The following CSMD1 variants were observed in gnomAD, a reference collection of about 807,000 sequenced individuals.
CSMD1 encodes CUB and sushi domain-containing protein 1.
A neutral mutation model predicts 417.5 loss-of-function variants in CSMD1; 213 were observed. The observed-to-expected ratio is 0.51, with a 90% CI of 0.46 to 0.57. CSMD1 has a LOEUF of 0.57. Ranked by LOEUF, CSMD1 falls within the 20% of genes least tolerant of loss-of-function variation. The pLI is 0.00. For synonymous variants in CSMD1, 2,862 were observed against 1,736.8 expected, an observed-to-expected ratio of 1.65 and a Z score of -16.11; for missense variants, 6,923 against 4,529.7, an observed-to-expected ratio of 1.53 and a Z score of -15.17.
chr8:3,531,801 G>A lies in CSMD1; in HGVS notation c.1345-38075C>T, dbSNP rs540990706. 4.6e-5 allele frequency among the ~76,000 whole-genome samples: 7 copies of A among 152,318 alleles called. No homozygotes were observed. The East Asian group carries it at 1.2e-3, about 25-fold the overall frequency. ...GCAAACATAGATAAGCAAGCTAGAAGCTTACACAGGGGGATGCCAGCAGTT... is the reference window on the plus strand; with the variant it reads ...GCAAACATAGATAAGCAAGCTAGAAACTTACACAGGGGGATGCCAGCAGTT... On this transcript the variant is annotated intron_variant, in intron 10 of 69. Coordinates refer to ENST00000635120, the MANE Select transcript of CSMD1 (RefSeq NM_033225.6).
intron 7 of CSMD1, among the ~76,000 whole-genome samples, chr8:3,635,512 C>G (rs1369573353): frequency 2.3e-5 from 3 of 133,128 alleles, no homozygotes; most frequent in South Asian, 2.5e-4. Context: ...GAGACAGAAA[C>G]TCGCTCTGTC....
chr8:4,456,375 A>C (rs1181103936), intron 2 of CSMD1, among the ~76,000 whole-genome samples: 1 of 152,238 alleles, frequency 6.6e-6, no homozygotes, highest in African/African-American at 2.4e-5. Context: ...ATCTGTCACT[A>C]ATCAAATAGC....
chr8:3,721,469 G>C (rs982803020), intron 6 of CSMD1, among the ~76,000 whole-genome samples: 13 of 152,124 alleles, frequency 8.5e-5, no homozygotes, highest in African/African-American at 2.9e-4. Context: ...GAGTCCATTA[G>C]TTTAACATCG....
chr8:4,301,555 C>G (rs371522806), intron 3 of CSMD1, among the ~76,000 whole-genome samples: 1 of 152,162 alleles, frequency 6.6e-6, no homozygotes, highest in Admixed American at 6.5e-5. Flanking sequence ...TTGGAATTCA[C>G]CAAGTGGAAA....
intron 3 of CSMD1, among the ~76,000 whole-genome samples, chr8:4,277,999 G>C (rs1035931542): frequency 6.6e-6 from 1 of 152,008 alleles, no homozygotes; most frequent in Non-Finnish European, 1.5e-5. Context: ...TCGCCGCCTT[G>C]CCCTCCCAAA....
At chr8:4,228,512 C>T (rs1412331645) in intron 3 of CSMD1, among the ~76,000 whole-genome samples, 1 of 151,892 alleles carries the variant, frequency 6.6e-6, no homozygotes, top group African/African-American at 2.4e-5. Context: ...GTCTTCCAGT[C>T]AACCCTGTAT....
At chr8:4,527,303 G>T (rs550662325) in intron 2 of CSMD1, among the ~76,000 whole-genome samples, 1 of 152,222 alleles carries the variant, frequency 6.6e-6, no homozygotes, top group South Asian at 2.1e-4. Flanking sequence ...TGTGTAGCTG[G>T]TATATTGTTA....
intron 1 of CSMD1, among the ~76,000 whole-genome samples, chr8:4,651,746 C>T (rs1034671777): frequency 6.6e-5 from 10 of 152,192 alleles, no homozygotes; most frequent in African/African-American, 2.4e-4. Context: ...TTTAAACACA[C>T]ATACCTACTC....
intron 26 of CSMD1, among the ~76,000 whole-genome samples, chr8:3,264,047 G>A (rs915136062): frequency 6.6e-6 from 1 of 152,050 alleles, no homozygotes; most frequent in Non-Finnish European, 1.5e-5. Context: ...TAGTAACAAT[G>A]AAACGAAATT....
chr8:4,631,825 C>T (rs988172388), intron 2 of CSMD1, among the ~76,000 whole-genome samples: 1 of 152,090 alleles, frequency 6.6e-6, no homozygotes, highest in Non-Finnish European at 1.5e-5. Context: ...GTTAGAAAGA[C>T]CGACGAACTC....
chr8:4,989,315 G>C (rs527368545), intron 1 of CSMD1, among the ~76,000 whole-genome samples: 1 of 152,134 alleles, frequency 6.6e-6, no homozygotes, highest in Non-Finnish European at 1.5e-5. Context: ...TGCTGTGGTG[G>C]CTGTGCCACA....
chr8:3,535,286 T>C (rs1372471238), intron 10 of CSMD1, among the ~76,000 whole-genome samples: 3 of 152,010 alleles, frequency 2.0e-5, no homozygotes, highest in African/African-American at 7.3e-5. Context: ...GACACTGAAA[T>C]AGTTATTCAA....
intron 11 of CSMD1, among the ~76,000 whole-genome samples, chr8:3,480,256 G>A (rs547636467): frequency 1.6e-4 from 24 of 152,294 alleles, no homozygotes; most frequent in Middle Eastern, 3.4e-3. Context: ...CTACTACTCA[G>A]GAGGTTGAGG....
chr8:4,026,080 G>C (rs565920062), intron 4 of CSMD1, among the ~76,000 whole-genome samples: 1 of 151,508 alleles, frequency 6.6e-6, no homozygotes, highest in Admixed American at 6.6e-5. Context: ...TGGGGAAGCA[G>C]AATATATACT....
chr8:3,259,343 C>G (rs71521815), intron 26 of CSMD1, among the ~76,000 whole-genome samples: 1 of 152,136 alleles, frequency 6.6e-6, no homozygotes, highest in African/African-American at 2.4e-5. Flanking sequence ...ATCTTGACTT[C>G]GTTCACTCAG....
intron 49 of CSMD1, among the ~76,000 whole-genome samples, chr8:3,057,203 T>C (rs933472696): frequency 6.6e-6 from 1 of 152,306 alleles, no homozygotes; most frequent in East Asian, 1.9e-4. Context: ...GAGTATCATA[T>C]ATAATTTTTC....
intron 5 of CSMD1, among the ~76,000 whole-genome samples, chr8:3,793,878 C>G (rs376912230): frequency 2.6e-5 from 4 of 152,118 alleles, no homozygotes; most frequent in African/African-American, 9.7e-5. Context: ...GCTGATGGAC[C>G]ATTTGTCAAA....
intron 10 of CSMD1, among the ~76,000 whole-genome samples, chr8:3,515,806 C>A (rs775969605): frequency 6.6e-6 from 1 of 152,216 alleles, no homozygotes; most frequent in Non-Finnish European, 1.5e-5. Flanking sequence ...AGTCATGACA[C>A]TGGGCAATGG....
intron 1 of CSMD1, among the ~76,000 whole-genome samples, chr8:4,968,398 T>C (rs1293412807): frequency 2.0e-5 from 3 of 151,924 alleles, no homozygotes; most frequent in Admixed American, 2.0e-4. Flanking sequence ...TCTGTAACTG[T>C]TAAAAAAAAA....
Sources: allele counts gnomAD v4.1 joint callset (sites outside exome capture counted in the v4.1 genomes callset), GRCh38; gene constraint gnomAD v4.1.1; transcripts MANE v1.5; gene names NCBI Gene and HGNC (gene_info 2026-07-23, HGNC 2026-07-21).